EVC2: variants seen among roughly 807,000 people sequenced by gnomAD.
EVC2 encodes the protein EvC ciliary complex subunit 2.
In EVC2, 148 loss-of-function variants were observed where a neutral mutation model predicts 149.3. The ratio of observed to expected loss-of-function variants is 0.99; its 90% CI spans 0.87 to 1.14. The LOEUF is 1.14. Among genes scored for constraint, EVC2 ranks in the 50% most tolerant of loss-of-function variants. The probability of loss-of-function intolerance (pLI) is 0.00; values close to 1 mark genes in which losing one functional copy is unlikely to be tolerated. For synonymous variants in EVC2, 776 were observed against 649.9 expected (o/e 1.19, Z -2.95); for missense variants, 1,854 against 1,627.3 (o/e 1.14, Z -2.40).
chr4:5,604,147 C>A (rs1714208617), intron 16 of EVC2, among the ~76,000 whole-genome samples: 1 of 152,136 alleles, frequency 6.6e-6, no homozygotes, highest in South Asian at 2.1e-4. Flanking sequence ...TGCAGAGGGT[C>A]TAGGATTGTT....
chr4:5,667,884 G>A (rs1719381038), intron 7 of EVC2, among the ~76,000 whole-genome samples: 1 of 152,194 alleles, frequency 6.6e-6, no homozygotes, highest in Non-Finnish European at 1.5e-5. Context: ...GTAAAAAACA[G>A]TTCAGGCACA....
chr4:5,561,875 C>T (rs1721972950), downstream of EVC2, among the ~76,000 whole-genome samples: 2 of 152,234 alleles, frequency 1.3e-5, no homozygotes, highest in African/African-American at 2.4e-5. Flanking sequence ...TATCAGTCAT[C>T]GCTTTTTTCC....
chr4:5,625,617 C>A lies in EVC2; in HGVS notation c.2046+132G>T, dbSNP rs758537827. 2.6e-5 allele frequency: 31 copies of A among 1,177,596 alleles called. No individual in the cohort carries two copies. Among genetic ancestry groups the A allele is most frequent in the Non-Finnish European group, 3.5e-5 (29 of 820,566 alleles). 72.9% of individuals were successfully genotyped at this position (1,177,596 alleles called of 1,614,324 possible). A position where few individuals can be genotyped will look rare whatever the true frequency, so the allele number is the denominator to read the frequency against. On this transcript the variant is annotated intron_variant, in intron 13 of 21. Coordinates refer to ENST00000344408, the MANE Select transcript of EVC2 (RefSeq NM_147127.5). This position sits in a 1 kb window ranked among gnomAD's most constrained non-coding sequence, Gnocchi z 4.0. The stretch of plus-strand genomic sequence containing the variant: ...GTCGCTACCAATCAACAGTAGATGG[C>A]ACATCATGGTGCCTGCCCAGCTGCC...
the EVC2 span, among the ~76,000 whole-genome samples, chr4:5,533,007 A>G: frequency 6.6e-6 from 1 of 150,974 alleles, no homozygotes; most frequent in African/African-American, 2.4e-5. Flanking sequence ...TTCATTCAGC[A>G]GATCTGCCCA....
chr4:5,547,689 C>T (rs1721648211), intron 21 of EVC2, among the ~76,000 whole-genome samples: 1 of 152,206 alleles, frequency 6.6e-6, no homozygotes, highest in Non-Finnish European at 1.5e-5. Flanking sequence ...TCCTCTTCAC[C>T]TTGCTTACCC....
intron 21 of EVC2, among the ~76,000 whole-genome samples, chr4:5,545,988 G>T (rs1159597517): frequency 6.6e-6 from 1 of 152,144 alleles, no homozygotes; most frequent in East Asian, 1.9e-4. Flanking sequence ...GGCCATCAGA[G>T]AAATGCAAAT....
intron 2 of EVC2, 110 bp downstream of exon 2, chr4:5,697,483 G>A (rs995308060): frequency 2.8e-6 from 3 of 1,078,968 alleles, no homozygotes; most frequent in Admixed American, 3.7e-5. Flanking sequence ...CCAAAGTAGA[G>A]AGGTGCTGGA....
intron 17 of EVC2, among the ~76,000 whole-genome samples, chr4:5,584,133 T>C (rs1712052671): frequency 6.6e-6 from 1 of 151,514 alleles, no homozygotes; most frequent in Admixed American, 6.6e-5. Context: ...CAAATGAAAT[T>C]CTAAAATCTA....
rs1481450536 is a variant in EVC2 at position 5,625,740 on chromosome 4, C to A, written c.2046+9G>T. ...ATGCAAAGAATAAATAGCATCATGC[C>A]TTATATACCTTTTGTAGCAACTCTC... On this transcript the variant is annotated intron_variant, in intron 13 of 21. Transcript: ENST00000344408. The surrounding 1 kb of genome is among the most constrained non-coding windows in gnomAD (Gnocchi z 4.0). 6.2e-7 allele frequency: 1 copy of A among 1,613,990 alleles called. No homozygotes were observed. The highest frequency in any genetic ancestry group is 8.5e-7 in the Non-Finnish European group (1 of 1,180,042).
rs951087490 is a variant in EVC2 at position 5,567,071 on chromosome 4, G to A, written c.3557+1373C>T. Among the ~76,000 whole-genome samples the A allele has an allele frequency of 6.6e-6, 1 of 152,098 alleles. No individual in the cohort carries two copies. The highest frequency in any genetic ancestry group is 2.4e-5 in the African/African-American group (1 of 41,390). On this transcript the variant is annotated intron_variant, in intron 20 of 21. Coordinates refer to ENST00000344408, the MANE Select transcript of EVC2 (RefSeq NM_147127.5). This position sits in a 1 kb window ranked among gnomAD's most constrained non-coding sequence, Gnocchi z 4.4. Reference sequence around the variant, plus strand: ...TCACTGGACATTCCGTTTGGCAGAGGTGGCCTCCTTCTGGCTCCCTCTTGT... The same window carrying A: ...TCACTGGACATTCCGTTTGGCAGAGATGGCCTCCTTCTGGCTCCCTCTTGT...
rs1553839363 is a variant in EVC2, at chr4:5,637,807, C to CA, written c.1470+2706_1470+2707insT. ...ACTGAGTTGTGGGATGGGCTTCTCTCTTTTTTTTTTTTTTCAGGGCTTTTT... is the reference window on the plus strand; with the variant it reads ...ACTGAGTTGTGGGATGGGCTTCTCTCATTTTTTTTTTTTTTCAGGGCTTTTT... On this transcript the variant is annotated intron_variant, in intron 10 of 21. Transcript: ENST00000344408. The surrounding 1 kb of genome is among the most constrained non-coding windows in gnomAD (Gnocchi z 4.4). Among the ~76,000 whole-genome samples, 1 of 139,006 alleles carries CA rather than the reference C, an allele frequency of 7.2e-6. No individual in the cohort carries two copies. The highest frequency in any genetic ancestry group is 2.1e-4 in the East Asian group (1 of 4,742). The allele number at this position is 139,006 out of a possible 152,430, so 91.2% of individuals were successfully genotyped here.
rs1721565602 is a variant in EVC2 at position 5,697,639 on chromosome 4, G to C, written c.237C>G (p.Pro79=). The C allele has an allele frequency of 6.2e-7, 1 of 1,613,990 alleles. No homozygotes were observed. The highest frequency in any genetic ancestry group is 1.6e-4 in the Middle Eastern group (1 of 6,062). Residue 79 remains proline (P), a synonymous_variant, in exon 2 of 22, where the codon CCC becomes CCG. Transcript: ENST00000344408. ...AGPESSTQDL[P]CMIWPKVECC... is the part of the protein sequence containing the mutation. Reference sequence around the variant, plus strand: ...ATTCCACTTTGGGCCAAATCATACAGGGCAAGTCCTAAAAAATTCAAGACA... The same window carrying C: ...ATTCCACTTTGGGCCAAATCATACACGGCAAGTCCTAAAAAATTCAAGACA...
intron 7 of EVC2, 85 bp downstream of exon 7, chr4:5,681,175 C>A: frequency 4.0e-6 from 6 of 1,503,192 alleles, no homozygotes; most frequent in Admixed American, 1.7e-5. Flanking sequence ...CAGCAGCTGG[C>A]CGCTCCCCAT....
chr4:5,612,946 A>C (rs1259076852), intron 16 of EVC2, among the ~76,000 whole-genome samples: 1 of 149,534 alleles, frequency 6.7e-6, no homozygotes, highest in Non-Finnish European at 1.5e-5. Context: ...AAAAAAAAAA[A>C]AAAGAAATAA....
intron 16 of EVC2, among the ~76,000 whole-genome samples, chr4:5,605,361 C>G (rs974645316): frequency 6.6e-6 from 1 of 152,122 alleles, no homozygotes; most frequent in Non-Finnish European, 1.5e-5. Context: ...ACAGTAGCCT[C>G]TGAAATCTTG....
the EVC2 span, among the ~76,000 whole-genome samples, chr4:5,533,978 G>T: frequency 6.6e-6 from 1 of 152,206 alleles, no homozygotes; most frequent in Non-Finnish European, 1.5e-5. Flanking sequence ...GGGAGATGAG[G>T]TCACAGAGGG....
Position 5,640,514 on chromosome 4 carries a change from C to CCT in EVC2, c.1468_1469dup (p.Ser491GlyfsTer4). 1 of 1,614,008 alleles carries CCT rather than the reference C, an allele frequency of 6.2e-7. No homozygotes were observed. The highest frequency in any genetic ancestry group is 8.5e-7 in the Non-Finnish European group (1 of 1,179,996). ...CGCCTTCCTTTCAGACCTGTCTTACCCTCTCACCAGCACGTTTCAGCAACT... is the reference window on the plus strand; with the variant it reads ...CGCCTTCCTTTCAGACCTGTCTTACCCTCTCTCACCAGCACGTTTCAGCAACT... On this transcript the variant is annotated frameshift_variant and splice_region_variant, in exon 10 of 22. Coordinates refer to ENST00000344408, the MANE Select transcript of EVC2 (RefSeq NM_147127.5). LOFTEE classifies it high-confidence loss of function. The surrounding 1 kb of genome is among the most constrained non-coding windows in gnomAD (Gnocchi z 4.6).
intron 3 of EVC2, among the ~76,000 whole-genome samples, chr4:5,693,108 A>G (rs1721239262): frequency 1.3e-5 from 2 of 152,134 alleles, no homozygotes; most frequent in African/African-American, 4.8e-5. Flanking sequence ...CTTGCAAACA[A>G]TAACTGATAA....
At position 5,616,131 on chromosome 4, in the gene EVC2, T is replaced by C. The variant is rs536227771; in HGVS notation, c.2707-587A>G. ...TGATGTCAAGCCGGTAGCCTGAAACTGGCCTTGGGAGGATTTACACCATGG... is the reference window on the plus strand; with the variant it reads ...TGATGTCAAGCCGGTAGCCTGAAACCGGCCTTGGGAGGATTTACACCATGG... On this transcript the variant is annotated intron_variant, in intron 15 of 21. Coordinates refer to ENST00000344408, the MANE Select transcript of EVC2 (RefSeq NM_147127.5). Among the ~76,000 whole-genome samples, 11 of 152,232 alleles carry C rather than the reference T, an allele frequency of 7.2e-5. No individual in the cohort carries two copies. The East Asian group carries it at 2.1e-3, about 30-fold the overall frequency.
Sources: allele counts gnomAD v4.1 joint callset (sites outside exome capture counted in the v4.1 genomes callset), GRCh38; gene constraint gnomAD v4.1.1; non-coding constraint Gnocchi (gnomAD v3.1); transcripts MANE v1.5; gene names NCBI Gene and HGNC (gene_info 2026-07-23, HGNC 2026-07-21).